ZNF160: variants seen among roughly 807,000 people sequenced by gnomAD.
ZNF160 encodes the protein zinc finger protein 160.
A neutral mutation model predicts 13.1 loss-of-function variants in ZNF160; 9 were observed. That is an observed-to-expected ratio of 0.69 (90% CI 0.41 to 1.20). ZNF160 has a LOEUF of 1.20. Among genes scored for constraint, ZNF160 ranks in the 50% most tolerant of loss-of-function variants. The pLI is 0.01. For missense variants in ZNF160, 838 were observed against 988.0 expected (o/e 0.85, Z 2.04); for synonymous variants, 293 against 333.2 (o/e 0.88, Z 1.31).
chr19:53,069,431 G>T lies in ZNF160; in HGVS notation c.1103C>A (p.Pro368Gln), dbSNP rs375777218. 6.2e-7 allele frequency: 1 copy of T among 1,613,916 alleles called. No homozygotes were observed. The highest frequency in any genetic ancestry group is 2.2e-5 in the East Asian group (1 of 44,878). ...THQLIHTGEKPFKCNECGKLF... is the reference protein window; with the variant it reads ...THQLIHTGEKQFKCNECGKLF... ...CTTGCCACATTCATTACATTTGAAC[G>T]GTTTTTCTCCAGTATGAATTAACTG... Residue 368 changes from proline (P) to glutamine (Q), a missense_variant, in exon 6 of 6, where the codon CCG (proline) becomes CAG (glutamine). Around this residue, in one of 3 missense-constraint regions of ZNF160, gnomAD observed 400 missense variants for 538.9 expected, o/e 0.74. Coordinates refer to ENST00000683776, the MANE Select transcript of ZNF160 (RefSeq NM_001322131.2). The surrounding 1 kb of genome is among the most constrained non-coding windows in gnomAD (Gnocchi z 4.4).
In ZNF160 at chr19:53,068,487, C is replaced by G. The variant is rs1168925387; in HGVS notation, c.2047G>C (p.Gly683Arg). The change falls in exon 6 of 6, where the codon GGC becomes CGC. Residue 683 changes from glycine to arginine, a missense_variant. Around this residue, in one of 3 missense-constraint regions of ZNF160, gnomAD observed 400 missense variants for 538.9 expected, o/e 0.74. Coordinates refer to ENST00000683776, the MANE Select transcript of ZNF160 (RefSeq NM_001322131.2). ...GEKPYKCNQC[G>R]KVFTQNSHLA... ...TGTGAGTTCTGAGTGAAGACCTTGC[C>G]ACATTGATTACATTTGTAAGGCTTC... is the stretch of plus-strand genomic sequence containing the variant. 2.5e-6 allele frequency: 4 copies of G among 1,613,498 alleles called. No homozygotes were observed. Among genetic ancestry groups the G allele is most frequent in the Non-Finnish European group, 3.4e-6 (4 of 1,179,764 alleles).
chr19:53,068,489 C>T lies in ZNF160; in HGVS notation c.2045G>A (p.Cys682Tyr). ...TGAGTTCTGAGTGAAGACCTTGCCA[C>T]ATTGATTACATTTGTAAGGCTTCTC... ...TGEKPYKCNQ[C>Y]GKVFTQNSHL... Residue 682 changes from cysteine to tyrosine, a missense_variant, in exon 6 of 6, where the codon TGT becomes TAT. Cys to Tyr is a radical substitution (Grantham distance 194). Coordinates refer to ENST00000683776, the MANE Select transcript of ZNF160 (RefSeq NM_001322131.2). 1 of 1,613,738 alleles carries T rather than the reference C, an allele frequency of 6.2e-7. No homozygotes were observed. Among genetic ancestry groups the T allele is most frequent in the Non-Finnish European group, 8.5e-7 (1 of 1,179,778 alleles).
intron 1 of ZNF160, among the ~76,000 whole-genome samples, chr19:53,092,236 T>A (rs1240516150): frequency 6.6e-6 from 1 of 152,224 alleles, no homozygotes; most frequent in Non-Finnish European, 1.5e-5. Flanking sequence ...TGTAAAATCA[T>A]CTTCAGAAAA....
Position 53,067,921 on chromosome 19 carries a change from A to G in ZNF160, c.*156T>C, listed in dbSNP as rs1353505249. ...GGCCTGGATAGACCCTCTGCCACAT[A>G]TGTTTACATGATGTCTCTTGCTTAT... On this transcript the variant is annotated 3_prime_UTR_variant, in exon 6 of 6. Transcript: ENST00000683776. The G allele has an allele frequency of 3.1e-5, 32 of 1,045,430 alleles. No homozygotes were observed. Among genetic ancestry groups the G allele is most frequent in the East Asian group, 2.5e-5 (1 of 39,954 alleles). The allele number at this position is 1,045,430 out of a possible 1,614,324, so 64.8% of individuals were successfully genotyped here. A position where few individuals can be genotyped will look rare whatever the true frequency, so the allele number is the denominator to read the frequency against.
chr19:53,076,711 G>A (rs934595948), intron 3 of ZNF160, among the ~76,000 whole-genome samples: 1 of 152,124 alleles, frequency 6.6e-6, no homozygotes, highest in African/African-American at 2.4e-5. Context: ...CACTACCCAT[G>A]GAGACACAGA....
At chr19:53,082,968 G>A (rs1204499535) in intron 3 of ZNF160, among the ~76,000 whole-genome samples, 3 of 152,108 alleles carry the variant, frequency 2.0e-5, no homozygotes. Flanking sequence ...AGACCTCAGG[G>A]AGACACTTTA....
At chr19:53,078,023 C>T (rs957971815) in intron 3 of ZNF160, among the ~76,000 whole-genome samples, 3 of 152,030 alleles carry the variant, frequency 2.0e-5, no homozygotes, top group South Asian at 2.1e-4. Context: ...GGGCGGATCA[C>T]GAGGTCAGAA....
Position 53,068,126 on chromosome 19 carries a change from T to C in ZNF160, c.2408A>G (p.Asn803Ser). ...ECGKVFRQSS[N>S]LASHHRMHTG... is the part of the protein sequence containing the mutation. ...ATGCATTCTGTGATGACTTGCAAGATTTGAACTCTGCCTGAAGACCTTGCC... is the reference window on the plus strand; with the variant it reads ...ATGCATTCTGTGATGACTTGCAAGACTTGAACTCTGCCTGAAGACCTTGCC... Residue 803 changes from asparagine (N) to serine (S), a missense_variant, in exon 6 of 6, where the codon AAT (asparagine) becomes AGT (serine). Physicochemically the swap from Asn to Ser is conservative, Grantham distance 46. Around this residue, in one of 3 missense-constraint regions of ZNF160, gnomAD observed 51 missense variants for 46.9 expected, o/e 1.09. Transcript: ENST00000683776. The C allele has an allele frequency of 6.2e-7, 1 of 1,613,558 alleles. No individual in the cohort carries two copies. Among genetic ancestry groups the C allele is most frequent in the South Asian group, 1.1e-5 (1 of 90,992 alleles).
chr19:53,094,623 C>T (rs537897395), intron 1 of ZNF160, among the ~76,000 whole-genome samples: 4 of 152,218 alleles, frequency 2.6e-5, no homozygotes, highest in African/African-American at 9.6e-5. Flanking sequence ...GTAAAAAAAC[C>T]TTAGCCTTCA....
intron 3 of ZNF160, among the ~76,000 whole-genome samples, chr19:53,080,660 T>C (rs770030658): frequency 1.3e-5 from 2 of 152,222 alleles, no homozygotes; most frequent in Admixed American, 6.5e-5. Flanking sequence ...AAGCAATCTA[T>C]AGATTCAACA....
At position 53,069,517 on chromosome 19, in the gene ZNF160, T is replaced by C. The variant is rs759966325; in HGVS notation, c.1017A>G (p.Lys339=). ...TTCCACACTCATTACACTTGTAAGGTTTCTCTCCAGTATGAATTCGCCGAT... is the reference window on the plus strand; with the variant it reads ...TTCCACACTCATTACACTTGTAAGGCTTCTCTCCAGTATGAATTCGCCGAT... ...ATHRRIHTGE[K]PYKCNECGKA... Residue 339 remains lysine (K), a synonymous_variant, in exon 6 of 6, where the codon AAA becomes AAG. Coordinates refer to ENST00000683776, the MANE Select transcript of ZNF160 (RefSeq NM_001322131.2). The surrounding 1 kb of genome is among the most constrained non-coding windows in gnomAD (Gnocchi z 4.4). The C allele has an allele frequency of 1.2e-6, 2 of 1,614,142 alleles. No homozygotes were observed. The highest frequency in any genetic ancestry group is 1.3e-5 in the African/African-American group (1 of 75,030).
chr19:53,077,140 A>G (rs2084421526), intron 3 of ZNF160: 1 of 152,280 alleles, frequency 6.6e-6, no homozygotes, highest in Non-Finnish European at 1.5e-5. Flanking sequence ...CTAGGACACC[A>G]GCGAGGCTGC....
At chr19:53,102,712 C>T (rs906100564) in intron 1 of ZNF160, among the ~76,000 whole-genome samples, 8 of 152,150 alleles carry the variant, frequency 5.3e-5, no homozygotes. Flanking sequence ...TCCTGATTCC[C>T]TTGGGCCACA....
At chr19:53,093,311 C>T (rs1048265076) in intron 1 of ZNF160, among the ~76,000 whole-genome samples, 20 of 152,070 alleles carry the variant, frequency 1.3e-4, no homozygotes, top group African/African-American at 4.3e-4. Flanking sequence ...GCGGTGGCAG[C>T]GCCTGTTATC....
intron 1 of ZNF160, among the ~76,000 whole-genome samples, chr19:53,098,819 T>C (rs754466069): frequency 2.1e-5 from 3 of 141,780 alleles, no homozygotes; most frequent in Non-Finnish European, 4.6e-5. Flanking sequence ...ACCCGGGAGC[T>C]GGAGTAAGGC....
chr19:53,097,334 G>A (rs1001705887), intron 1 of ZNF160, among the ~76,000 whole-genome samples: 4 of 147,782 alleles, frequency 2.7e-5, no homozygotes, highest in African/African-American at 7.6e-5. Flanking sequence ...ACCCACAGAC[G>A]CCCCCACAAC....
rs947392527 is a variant in ZNF160 at position 53,100,481 on chromosome 19, C to G, written c.-354+2784G>C. ...AAAAATTTGCCGGGCGTGGTGGCGG[C>G]TGCCTGTAGTCCCAACTACTTGGGA... On this transcript the variant is annotated intron_variant, in intron 1 of 5. Coordinates refer to ENST00000683776, the MANE Select transcript of ZNF160 (RefSeq NM_001322131.2). Among the ~76,000 whole-genome samples, 32 of 152,082 alleles carry G rather than the reference C, an allele frequency of 2.1e-4. 1 individual carries two copies. The highest frequency in any genetic ancestry group is 4.1e-4 in the Non-Finnish European group (28 of 67,996).
intron 3 of ZNF160, among the ~76,000 whole-genome samples, chr19:53,076,346 GA>G (rs2145604098): frequency 6.6e-6 from 1 of 152,294 alleles, no homozygotes; most frequent in South Asian, 2.1e-4. Context: ...GGTATCTTAA[GA>G]AATGATAATG....
intron 3 of ZNF160, chr19:53,084,903 T>C (rs2084771070): frequency 6.6e-6 from 1 of 151,356 alleles, no homozygotes; most frequent in South Asian, 2.1e-4. Context: ...GGAGGAACTC[T>C]CCACGATCCA....
Sources: allele counts gnomAD v4.1 joint callset (sites outside exome capture counted in the v4.1 genomes callset), GRCh38; gene constraint gnomAD v4.1.1; regional missense constraint gnomAD v4.1.1; non-coding constraint Gnocchi (gnomAD v3.1); transcripts MANE v1.5; gene names NCBI Gene and HGNC (gene_info 2026-07-23, HGNC 2026-07-21).